The following DDC variants were observed in gnomAD, a reference collection of about 807,000 sequenced individuals.
The protein encoded by DDC is dopa decarboxylase, also known as aromatic-L-amino-acid decarboxylase.
A neutral mutation model predicts 60.0 loss-of-function variants in DDC; 43 were observed. The observed-to-expected ratio is 0.72, with a 90% CI of 0.56 to 0.92. The LOEUF (loss-of-function observed/expected upper bound fraction) is 0.92, where lower values mean the gene tolerates loss of function less well. Among genes scored for constraint, DDC ranks in the 40% least tolerant of loss-of-function variants. DDC has a pLI of 0.00. For synonymous variants in DDC, 232 were observed against 234.6 expected (o/e 0.99, Z 0.10); for missense variants, 573 against 620.2 (o/e 0.92, Z 0.81).
intron 6 of DDC, among the ~76,000 whole-genome samples, chr7:50,510,017 C>T (rs1016088245): frequency 1.3e-5 from 2 of 151,834 alleles, no homozygotes; most frequent in Non-Finnish European, 2.9e-5. Flanking sequence ...GCTGCCCAGG[C>T]TGGAGTGAAG....
chr7:50,490,335 A>G (rs1585173308), intron 9 of DDC, among the ~76,000 whole-genome samples: 2 of 152,328 alleles, frequency 1.3e-5, no homozygotes, highest in Admixed American at 6.5e-5. Flanking sequence ...ACAGGTATCT[A>G]TAGGCACAGA....
At chr7:50,549,329 G>T (rs960375814) in intron 1 of DDC, among the ~76,000 whole-genome samples, 15 of 152,124 alleles carry the variant, frequency 9.9e-5, no homozygotes, top group Non-Finnish European at 2.1e-4. Flanking sequence ...AAAACCTTTT[G>T]GAAAGAATTT....
intron 1 of DDC, among the ~76,000 whole-genome samples, chr7:50,554,107 G>A (rs2045103036): frequency 1.3e-5 from 2 of 152,162 alleles, no homozygotes; most frequent in Non-Finnish European, 1.5e-5. Context: ...CAGACCTGAG[G>A]TCAAGAGTCA....
intron 6 of DDC, chr7:50,527,883 TA>T (rs2044081145): frequency 5.0e-6 from 2 of 396,940 alleles, no homozygotes; most frequent in Non-Finnish European, 9.4e-6. Context: ...AAAATGGAGG[TA>T]AAAAGCGTTT....
chr7:50,528,491 T>G (rs2044103420), intron 5 of DDC, among the ~76,000 whole-genome samples: 2 of 152,206 alleles, frequency 1.3e-5, no homozygotes, highest in African/African-American at 4.8e-5. Context: ...GGAATCTTGC[T>G]TTTAAGTTTA....
intron 2 of DDC, chr7:50,542,395 C>G (rs1007340341): frequency 2.0e-5 from 3 of 152,144 alleles, no homozygotes; most frequent in African/African-American, 7.2e-5. Context: ...AGGACAGAAG[C>G]GATTCTTGAT....
chr7:50,550,908 T>C (rs2044972499), intron 1 of DDC, among the ~76,000 whole-genome samples: 1 of 152,216 alleles, frequency 6.6e-6, no homozygotes, highest in Admixed American at 6.5e-5. Context: ...AAGAACTTTG[T>C]GTAACAACTA....
rs1319014070 is a variant in DDC at position 50,528,075 on chromosome 7, A to G, written c.714+62T>C. Reference sequence around the variant, plus strand: ...CCATGCCCGGCTAATTTTTTTTTGTATTTTTAGTAGAGACGGAGTTTCACC... The same window carrying G: ...CCATGCCCGGCTAATTTTTTTTTGTGTTTTTAGTAGAGACGGAGTTTCACC... On this transcript the variant is annotated intron_variant, in intron 6 of 14. Coordinates refer to ENST00000444124, the MANE Select transcript of DDC (RefSeq NM_001082971.2). The G allele has an allele frequency of 5.7e-6, 9 of 1,576,216 alleles. No individual in the cohort carries two copies. The East Asian group carries it at 2.0e-4, about 36-fold the overall frequency.
rs1273970913 is a variant in DDC at position 50,488,270 on chromosome 7, AT to A, written c.944+7079del. 2.0e-5 allele frequency among the ~76,000 whole-genome samples: 3 copies of A among 152,088 alleles called. No homozygotes were observed. The East Asian group carries it at 5.8e-4, about 29-fold the overall frequency. On this transcript the variant is annotated intron_variant, in intron 9 of 14. Transcript: ENST00000444124. ...TGCTTAAATGTCTGGGTCATTTCCA[AT>A]TTAAAAAAAAATATAGGAAAATGTT...
Position 50,537,967 on chromosome 7 carries a change from C to T in DDC, c.328G>A (p.Ala110Thr). Residue 110 changes from alanine (A) to threonine (T), a missense_variant, in exon 4 of 15, where the codon GCA becomes ACA. By Grantham distance (58) the Ala-to-Thr change is moderately conservative. Transcript: ENST00000444124. ...CIGFSWAASP[A>T]CTELETVMMD... Reference sequence around the variant, plus strand: ...ATCACAGTCTCCAGCTCTGTGCATGCTGGGCTTGCCGCCTGTCGTGGGGGA... The same window carrying T: ...ATCACAGTCTCCAGCTCTGTGCATGTTGGGCTTGCCGCCTGTCGTGGGGGA... The T allele has an allele frequency of 2.5e-6, 4 of 1,614,168 alleles. No individual in the cohort carries two copies. Among genetic ancestry groups the T allele is most frequent in the Non-Finnish European group, 3.4e-6 (4 of 1,180,034 alleles).
chr7:50,468,150 G>C (rs1197647247), intron 12 of DDC, among the ~76,000 whole-genome samples: 2 of 152,254 alleles, frequency 1.3e-5, no homozygotes, highest in African/African-American at 4.8e-5. Flanking sequence ...TCGCGGGCAG[G>C]GGGTGGCTGG....
chr7:50,549,815 T>A (rs148090951), intron 1 of DDC, among the ~76,000 whole-genome samples: 43 of 152,310 alleles, frequency 2.8e-4, no homozygotes, highest in Non-Finnish European at 5.1e-4. Flanking sequence ...AATAGAGAAC[T>A]AGAATTTTAA....
intron 4 of DDC, among the ~76,000 whole-genome samples, chr7:50,532,145 C>G (rs2044237034): frequency 1.3e-5 from 2 of 152,190 alleles, no homozygotes; most frequent in African/African-American, 2.4e-5. Flanking sequence ...TGCAGGCTGG[C>G]TCACAGGCTG....
intron 9 of DDC, among the ~76,000 whole-genome samples, chr7:50,487,491 A>G (rs2042910813): frequency 6.6e-6 from 1 of 151,954 alleles, no homozygotes; most frequent in Non-Finnish European, 1.5e-5. Context: ...TGAGATAAAA[A>G]CCACTGTTTC....
chr7:50,507,934 G>A (rs1368358662), intron 6 of DDC, among the ~76,000 whole-genome samples: 3 of 152,214 alleles, frequency 2.0e-5, no homozygotes, highest in African/African-American at 7.2e-5. Flanking sequence ...TCCAAGAGGT[G>A]GGTAATTGTC....
chr7:50,551,902 C>A (rs2045009068), intron 1 of DDC, among the ~76,000 whole-genome samples: 1 of 151,964 alleles, frequency 6.6e-6, no homozygotes, highest in Non-Finnish European at 1.5e-5. Context: ...TCCTGGGGGG[C>A]CACACATGTG....
chr7:50,500,636 G>C (rs2043231201), intron 7 of DDC, among the ~76,000 whole-genome samples: 2 of 152,152 alleles, frequency 1.3e-5, no homozygotes, highest in South Asian at 4.1e-4. Context: ...CTGATTCTGG[G>C]GGAAGTGATG....
At chr7:50,463,165 T>A (rs909129285) in intron 14 of DDC, 48 bp downstream of exon 14, 59 of 1,492,722 alleles carry the variant, frequency 4.0e-5, no homozygotes, top group Non-Finnish European at 5.2e-5. Flanking sequence ...AGGACACTCT[T>A]GCCACGGGAC....
At chr7:50,548,528 A>G (rs985026173) in intron 1 of DDC, among the ~76,000 whole-genome samples, 2 of 152,224 alleles carry the variant, frequency 1.3e-5, no homozygotes, top group Non-Finnish European at 2.9e-5. Flanking sequence ...CTTAAGCCAA[A>G]GCGTAATCCA....
Sources: gnomAD v4.1 joint callset for allele counts (sites outside exome capture counted in the v4.1 genomes callset) on GRCh38, gnomAD v4.1.1 for gene constraint, MANE v1.5 for transcripts, NCBI Gene and HGNC (gene_info 2026-07-23, HGNC 2026-07-21) for gene names.